The following TMTC2 variants were observed in gnomAD, a reference collection of about 807,000 sequenced individuals.
TMTC2 encodes protein O-mannosyl-transferase TMTC2.
TMTC2 carries 43 observed loss-of-function variants against 82.4 expected under a neutral mutation model. The observed-to-expected ratio is 0.52, with a 90% CI of 0.41 to 0.67. The LOEUF (loss-of-function observed/expected upper bound fraction) is 0.67. Ranked by LOEUF, TMTC2 falls within the 30% of genes least tolerant of loss-of-function variation. The probability of loss-of-function intolerance (pLI) is 0.00; values close to 1 mark genes in which losing one functional copy is unlikely to be tolerated. For synonymous variants in TMTC2, 408 were observed against 381.9 expected (o/e 1.07, Z -0.80); for missense variants, 919 against 1,012.4 (o/e 0.91, Z 1.25).
intron 1 of TMTC2, among the ~76,000 whole-genome samples, chr12:82,742,420 G>A (rs1433519781): frequency 6.6e-6 from 1 of 151,742 alleles, no homozygotes; most frequent in Non-Finnish European, 1.5e-5. Context: ...CTATATGGTA[G>A]CTAGGAACAG....
At chr12:82,726,010 T>C (rs1003717370) in intron 1 of TMTC2, among the ~76,000 whole-genome samples, 1 of 152,178 alleles carries the variant, frequency 6.6e-6, no homozygotes, top group Non-Finnish European at 1.5e-5. Context: ...GATCTAGTTA[T>C]GTTAATAGAG....
At position 82,778,058 on chromosome 12, in the gene TMTC2, T is replaced by C. The variant is rs537934884; in HGVS notation, c.84-78952T>C. Among the ~76,000 whole-genome samples the C allele has an allele frequency of 8.0e-5, 12 of 149,312 alleles. No homozygotes were observed. In the South Asian group the frequency reaches 2.5e-3, roughly 32 times the overall value. ...GATTAAATTTGGTCATATATAAAGA[T>C]TACTCTTCGCATTGTAAAATACTAT... On this transcript the variant is annotated intron_variant, in intron 1 of 11. Coordinates refer to ENST00000321196, the MANE Select transcript of TMTC2 (RefSeq NM_152588.3).
Position 82,985,951 on chromosome 12 carries a change from C to G in TMTC2, c.1975C>G (p.Leu659Val). 6.2e-7 allele frequency: 1 copy of G among 1,613,672 alleles called. No homozygotes were observed. Among genetic ancestry groups the G allele is most frequent in the South Asian group, 1.1e-5 (1 of 91,038 alleles). The part of the protein sequence containing the change: ...MGEAYMRLSK[L>V]PEAEHWYMES... The stretch of plus-strand genomic sequence containing the variant: ...TGAAGCATATATGCGTTTAAGCAAA[C>G]TCCCCGAAGCAGAGCATTGGTATAT... The change falls in exon 8 of 12, where the codon CTC becomes GTC. Residue 659 changes from leucine (L) to valine (V), a missense_variant. By Grantham distance (32) the Leu-to-Val change is conservative. Coordinates refer to ENST00000321196, the MANE Select transcript of TMTC2 (RefSeq NM_152588.3).
intron 1 of TMTC2, among the ~76,000 whole-genome samples, chr12:82,837,577 G>A (rs1870117533): frequency 6.6e-6 from 1 of 152,206 alleles, no homozygotes; most frequent in Non-Finnish European, 1.5e-5. Context: ...TATTGTAATT[G>A]TCTGTTTTTG....
intron 11 of TMTC2, among the ~76,000 whole-genome samples, chr12:83,065,694 AGTCTTCTCT>A (rs1276370115): frequency 6.6e-5 from 10 of 151,930 alleles, no homozygotes; most frequent in Admixed American, 3.3e-4. Flanking sequence ...AATAGACAAC[AGTCTTCTCT>A]GTCTTCTCTC....
chr12:83,030,990 T>C, intron 9 of TMTC2, 111 bp downstream of exon 9: 1 of 770,004 alleles, frequency 1.3e-6, no homozygotes, highest in Non-Finnish European at 2.2e-6. Context: ...GACTTTGTTA[T>C]TGCAGATTTA....
chr12:82,735,997 AC>A, intron 1 of TMTC2, among the ~76,000 whole-genome samples: 1 of 145,508 alleles, frequency 6.9e-6, no homozygotes, highest in African/African-American at 2.5e-5. Context: ...ACACACACAC[AC>A]ACACAATTAT....
intron 2 of TMTC2, among the ~76,000 whole-genome samples, chr12:82,877,296 G>A (rs1181018642): frequency 1.3e-5 from 2 of 152,204 alleles, no homozygotes; most frequent in East Asian, 1.9e-4. Flanking sequence ...ATTTCTATGC[G>A]ATTATATAGG....
At chr12:82,997,370 ATATATATATATGTGTATATATATATGTG>A (rs1175103186) in intron 8 of TMTC2, among the ~76,000 whole-genome samples, 9 of 17,398 alleles carry the variant, frequency 5.2e-4, no homozygotes, top group African/African-American at 1.0e-3. Context: ...ATATATGTGT[ATATATATATATGTGTATATATATATGTG>A]TATATATATA....
At position 82,960,706 on chromosome 12, in the gene TMTC2, A is replaced by G. The variant is rs573926055; in HGVS notation, c.1599-4318A>G. On this transcript the variant is annotated intron_variant, in intron 4 of 11. Transcript: ENST00000321196. ...TGGTACTATGCTCAGTACCTGGGTG[A>G]TGGGATCAGTTGTACCGGAAACCAC... Among the ~76,000 whole-genome samples, 14 of 152,140 alleles carry G rather than the reference A, an allele frequency of 9.2e-5. No homozygotes were observed. The South Asian group carries it at 2.7e-3, about 29-fold the overall frequency.
chr12:83,049,442 C>T (rs1882265079), intron 9 of TMTC2, among the ~76,000 whole-genome samples: 3 of 152,096 alleles, frequency 2.0e-5, no homozygotes, highest in Admixed American at 2.0e-4. Flanking sequence ...TGTTAGTTTG[C>T]TTCAGATTAT....
chr12:82,723,371 G>C (rs979732826), intron 1 of TMTC2, among the ~76,000 whole-genome samples: 1 of 152,136 alleles, frequency 6.6e-6, no homozygotes, highest in African/African-American at 2.4e-5. Context: ...GTTATGCAAG[G>C]CTTCCTGAGA....
rs1013377430 is a variant in TMTC2, at chr12:83,115,382, C to T, written c.2332-16828C>T. Among the ~76,000 whole-genome samples the T allele has an allele frequency of 1.2e-4, 18 of 152,278 alleles. 1 individual carries two copies. Among genetic ancestry groups the T allele is most frequent in the East Asian group, 1.2e-3 (6 of 5,178 alleles). ...TCTAGATTAGTAAGGGCAGCCAGCT[C>T]TTGGTGTTTTAGAGAGATAGATGAT... On this transcript the variant is annotated intron_variant, in intron 11 of 11. Coordinates refer to ENST00000321196, the MANE Select transcript of TMTC2 (RefSeq NM_152588.3).
At chr12:82,781,851 T>C (rs771526196) in intron 1 of TMTC2, among the ~76,000 whole-genome samples, 1 of 151,974 alleles carries the variant, frequency 6.6e-6, no homozygotes, top group African/African-American at 2.4e-5. Flanking sequence ...ACCTCCTCTT[T>C]AGTTTAGTGA....
In TMTC2 at chr12:83,004,722, A is replaced by ATT. The variant is rs528076999; in HGVS notation, c.2070+18720_2070+18721dup. On this transcript the variant is annotated intron_variant, in intron 8 of 11. Coordinates refer to ENST00000321196, the MANE Select transcript of TMTC2 (RefSeq NM_152588.3). ...TTCACAGGCAGTGTATACTGGCCGA[A>ATT]TTTTTTTTTTTTTTTTTTTTTTTTT... Among the ~76,000 whole-genome samples the ATT allele has an allele frequency of 3.7e-3, 132 of 36,032 alleles. 36 individuals are homozygous for ATT. Among genetic ancestry groups the ATT allele is most frequent in the Non-Finnish European group, 4.7e-3 (89 of 18,964 alleles). 23.6% of individuals were successfully genotyped at this position (36,032 alleles called of 152,430 possible).
At chr12:82,892,446 G>A (rs904708211) in intron 2 of TMTC2, among the ~76,000 whole-genome samples, 5 of 151,848 alleles carry the variant, frequency 3.3e-5, no homozygotes, top group Admixed American at 1.3e-4. Flanking sequence ...ATTTTATTTC[G>A]ATAATTATTA....
chr12:82,960,067 T>G (rs1877844222), intron 4 of TMTC2, among the ~76,000 whole-genome samples: 2 of 151,966 alleles, frequency 1.3e-5, no homozygotes, highest in Admixed American at 1.3e-4. Context: ...ACATAAAAAA[T>G]GCTCGACATC....
chr12:82,909,888 A>G (rs1874541460), intron 3 of TMTC2, among the ~76,000 whole-genome samples: 1 of 152,196 alleles, frequency 6.6e-6, no homozygotes, highest in Non-Finnish European at 1.5e-5. Flanking sequence ...CAGAGCTACT[A>G]TTTTTGAAAT....
chr12:82,837,047 T>C (rs1369160710), intron 1 of TMTC2, among the ~76,000 whole-genome samples: 3 of 152,198 alleles, frequency 2.0e-5, no homozygotes, highest in Non-Finnish European at 4.4e-5. Flanking sequence ...AATAAGACCA[T>C]GTTAGATTAA....
Sources: allele counts gnomAD v4.1 joint callset (sites outside exome capture counted in the v4.1 genomes callset), GRCh38; gene constraint gnomAD v4.1.1; transcripts MANE v1.5; gene names NCBI Gene and HGNC (gene_info 2026-07-23, HGNC 2026-07-21).